Variants in CNTN5 observed in about 807,000 individuals in gnomAD.
CNTN5 encodes the protein contactin 5.
A neutral mutation model predicts 129.1 loss-of-function variants in CNTN5; 77 were observed. The ratio of observed to expected loss-of-function variants is 0.60; its 90% CI spans 0.50 to 0.72. CNTN5 has a LOEUF of 0.72. CNTN5 is among the 30% of genes least tolerant of loss of function. The pLI is 0.00. For missense variants in CNTN5, 1,478 were observed against 1,328.8 expected (o/e 1.11, Z -1.75); for synonymous variants, 509 against 465.6 (o/e 1.09, Z -1.20).
chr11:99,872,708 G>A (rs900769079), intron 6 of CNTN5, among the ~76,000 whole-genome samples: 1 of 152,008 alleles, frequency 6.6e-6, no homozygotes, highest in Non-Finnish European at 1.5e-5. Context: ...TAACAAGCAG[G>A]TTGAGTCCTG....
intron 13 of CNTN5, among the ~76,000 whole-genome samples, chr11:100,083,571 A>C (rs1472440880): frequency 1.3e-5 from 2 of 152,164 alleles, no homozygotes; most frequent in Non-Finnish European, 2.9e-5. Flanking sequence ...TCTCTTTAAG[A>C]GAATTAATAA....
chr11:100,204,374 CTCTATATAGATA>C (rs1008792907), intron 15 of CNTN5, among the ~76,000 whole-genome samples: 1 of 121,126 alleles, frequency 8.3e-6, no homozygotes, highest in Non-Finnish European at 1.8e-5. Flanking sequence ...ATATATCGCT[CTCTATATAGATA>C]TCTATATATC....
chr11:99,987,125 A>G (rs1938733028), intron 8 of CNTN5, among the ~76,000 whole-genome samples: 1 of 152,148 alleles, frequency 6.6e-6, no homozygotes, highest in Non-Finnish European at 1.5e-5. Context: ...AATATTCCCT[A>G]GCTCCTATGC....
In CNTN5 at chr11:99,684,354, A is replaced by T. The variant is rs570151448; in HGVS notation, c.55+128085A>T. On this transcript the variant is annotated intron_variant, in intron 3 of 24. Transcript: ENST00000524871. ...TTCTGGAATGTAGATATAAAATAAT[A>T]TGGGTTATTGAATACATGTATTATG... is the stretch of plus-strand genomic sequence containing the variant. Among the ~76,000 whole-genome samples, 5 of 152,024 alleles carry T rather than the reference A, an allele frequency of 3.3e-5. No homozygotes were observed. The South Asian group carries it at 1.0e-3, about 31-fold the overall frequency.
At chr11:100,257,204 G>A (rs1360167254) in intron 17 of CNTN5, among the ~76,000 whole-genome samples, 1 of 152,162 alleles carries the variant, frequency 6.6e-6, no homozygotes, top group Non-Finnish European at 1.5e-5. Context: ...CCGCAGCTCA[G>A]CAAAGCTGCT....
chr11:99,364,448 C>T (rs1939319930), intron 2 of CNTN5, among the ~76,000 whole-genome samples: 1 of 152,032 alleles, frequency 6.6e-6, no homozygotes, highest in African/African-American at 2.4e-5. Flanking sequence ...AGCTTACCTC[C>T]TTGCTAAAGG....
chr11:99,081,359 T>C (rs2135283148), intron 1 of CNTN5, among the ~76,000 whole-genome samples: 1 of 152,310 alleles, frequency 6.6e-6, no homozygotes, highest in Admixed American at 6.5e-5. Flanking sequence ...ACATAAAGCG[T>C]AGGCAGATGT....
In CNTN5 at chr11:99,721,421, G is replaced by C. The variant is rs551465662; in HGVS notation, c.56-98123G>C. On this transcript the variant is annotated intron_variant, in intron 3 of 24. Coordinates refer to ENST00000524871, the MANE Select transcript of CNTN5 (RefSeq NM_014361.4). The stretch of plus-strand genomic sequence containing the variant: ...TGAATAAATGGTGCTTGGATGACTG[G>C]CTAGCCATATGCAGAAGATGGAAGC... 2.0e-5 allele frequency among the ~76,000 whole-genome samples: 3 copies of C among 152,250 alleles called. No individual in the cohort carries two copies. The East Asian group carries it at 5.8e-4, about 29-fold the overall frequency.
intron 3 of CNTN5, among the ~76,000 whole-genome samples, chr11:99,601,090 C>T (rs193210677): frequency 7.2e-5 from 11 of 152,222 alleles, no homozygotes; most frequent in African/African-American, 2.6e-4. Flanking sequence ...TTTTTATCTC[C>T]AAAGTTTGGC....
intron 1 of CNTN5, among the ~76,000 whole-genome samples, chr11:99,107,688 C>T (rs1234401697): frequency 6.6e-6 from 1 of 151,850 alleles, no homozygotes; most frequent in Non-Finnish European, 1.5e-5. Context: ...TCTCAGCACT[C>T]TGGGAGGCTG....
chr11:100,344,615 A>C (rs1196198318), intron 23 of CNTN5, among the ~76,000 whole-genome samples: 3 of 152,146 alleles, frequency 2.0e-5, no homozygotes, highest in Admixed American at 2.0e-4. Flanking sequence ...TCTATTGTAC[A>C]CTTCAAAATA....
chr11:99,556,586 T>TATATATATATATAC (rs1948678482), intron 3 of CNTN5, among the ~76,000 whole-genome samples: 1 of 134,984 alleles, frequency 7.4e-6, no homozygotes, highest in Admixed American at 7.6e-5. Flanking sequence ...TATATATATA[T>TATATATATATATAC]ATATATATCT....
At chr11:99,193,999 T>A (rs1001905408) in intron 1 of CNTN5, among the ~76,000 whole-genome samples, 1 of 152,096 alleles carries the variant, frequency 6.6e-6, no homozygotes. Flanking sequence ...AAGAACAGAA[T>A]CAATAACGTA....
chr11:99,791,960 C>T (rs1000117061), intron 3 of CNTN5, among the ~76,000 whole-genome samples: 15 of 152,130 alleles, frequency 9.9e-5, no homozygotes, highest in African/African-American at 3.1e-4. Flanking sequence ...TAATTTGTAT[C>T]CTGAAACTTT....
intron 3 of CNTN5, among the ~76,000 whole-genome samples, chr11:99,599,950 T>A (rs541401664): frequency 6.6e-6 from 1 of 152,250 alleles, no homozygotes; most frequent in Non-Finnish European, 1.5e-5. Flanking sequence ...GTCATCTACT[T>A]TAAAAGTAAA....
chr11:99,692,890 A>T (rs1317205735), intron 3 of CNTN5, among the ~76,000 whole-genome samples: 6 of 152,166 alleles, frequency 3.9e-5, no homozygotes, highest in Non-Finnish European at 2.9e-5. Context: ...CATTTGTGGG[A>T]CACTTAAGTT....
chr11:100,033,398 A>G (rs1941821940), intron 9 of CNTN5, among the ~76,000 whole-genome samples: 1 of 152,220 alleles, frequency 6.6e-6, no homozygotes, highest in Non-Finnish European at 1.5e-5. Context: ...TCAATTATAA[A>G]GGTTTCTGGC....
At chr11:99,498,997 T>G (rs1412809163) in intron 2 of CNTN5, among the ~76,000 whole-genome samples, 1 of 152,184 alleles carries the variant, frequency 6.6e-6, no homozygotes, top group East Asian at 1.9e-4. Context: ...CTCTGATGTT[T>G]GCAATCACAT....
intron 2 of CNTN5, among the ~76,000 whole-genome samples, chr11:99,367,616 A>G (rs1463568472): frequency 6.6e-6 from 1 of 152,192 alleles, no homozygotes; most frequent in Non-Finnish European, 1.5e-5. Flanking sequence ...TCTGAGTAAC[A>G]TTGGCATGGA....
Sources: gnomAD v4.1 joint callset for allele counts (sites outside exome capture counted in the v4.1 genomes callset) on GRCh38, gnomAD v4.1.1 for gene constraint, MANE v1.5 for transcripts, NCBI Gene and HGNC (gene_info 2026-07-23, HGNC 2026-07-21) for gene names.